The following CDT1 variants were observed in gnomAD, a reference collection of about 807,000 sequenced individuals.
The protein encoded by CDT1 is chromatin licensing and DNA replication factor 1.
A neutral mutation model predicts 49.3 loss-of-function variants in CDT1; 66 were observed. That is an observed-to-expected ratio of 1.34 (90% CI 1.10 to 1.64). The LOEUF (loss-of-function observed/expected upper bound fraction) is 1.64. CDT1 is among the 40% of genes most tolerant of loss of function. The pLI is 0.00. For missense variants in CDT1, 958 were observed against 807.7 expected (o/e 1.19, Z -2.26); for synonymous variants, 424 against 347.4 (o/e 1.22, Z -2.45).
rs3218725 is a variant in CDT1 at position 88,804,814 on chromosome 16, C to T, written c.404C>T (p.Ala135Val). 1,417 of 1,612,612 alleles carry T rather than the reference C, an allele frequency of 8.8e-4. 10 individuals carry two copies. The African/African-American group carries it at 0.013, about 15-fold the overall frequency. The change falls in exon 3 of 10, where the codon GCA becomes GTA. Residue 135 changes from alanine (A) to valine (V), a missense_variant. Transcript: ENST00000301019. Reference sequence around the variant, plus strand: ...CTGCAACGGGCCCGGGAGCTGGGGGCAAGAGTCCGGGCGCTGAAGGCCAGT... The same window carrying T: ...CTGCAACGGGCCCGGGAGCTGGGGGTAAGAGTCCGGGCGCTGAAGGCCAGT... ...SCLQRARELG[A>V]RVRALKASAQ... is the part of the protein sequence containing the mutation.
chr16:88,806,008 A>C lies in CDT1; in HGVS notation c.833-13A>C. The C allele has an allele frequency of 6.3e-7, 1 of 1,584,710 alleles. No homozygotes were observed. Among genetic ancestry groups the C allele is most frequent in the Non-Finnish European group, 8.6e-7 (1 of 1,169,100 alleles). Reference sequence around the variant, plus strand: ...TGGCCTGGTGGGGACTTAGGCCTGGACTCGTCCCACAGAGGCTGACGGAGC... The same window carrying C: ...TGGCCTGGTGGGGACTTAGGCCTGGCCTCGTCCCACAGAGGCTGACGGAGC... On this transcript the variant is annotated splice_polypyrimidine_tract_variant and intron_variant, in intron 5 of 9. Transcript: ENST00000301019.
Position 88,805,748 on chromosome 16 carries a change from C to G in CDT1, c.711C>G (p.Gly237=). Residue 237 remains glycine (G), a synonymous_variant, in exon 5 of 10, where the codon GGC becomes GGG. Transcript: ENST00000301019. ...MRRRFEECNV[G]QIKTVYPASY... ...GGCGTTTTGAGGAGTGCAATGTTGG[C>G]CAGATCAAAACCGTGTACCCGGCCT... 1 of 1,613,042 alleles carries G rather than the reference C, an allele frequency of 6.2e-7. No individual in the cohort carries two copies. The highest frequency in any genetic ancestry group is 8.5e-7 in the Non-Finnish European group (1 of 1,179,970).
Position 88,809,050 on chromosome 16 carries a change from G to A in CDT1, c.*772G>A, listed in dbSNP as rs959443584. On this transcript the variant is annotated 3_prime_UTR_variant, in exon 10 of 10. Transcript: ENST00000301019. The stretch of plus-strand genomic sequence containing the variant: ...AGGTGATCCTGAATTGTCCAGCTAC[G>A]CCCCATGTCATCACAGGGCCTTCAT... 4.9e-5 allele frequency: 10 copies of A among 205,444 alleles called. No individual in the cohort carries two copies. The highest frequency in any genetic ancestry group is 2.5e-4 in the East Asian group (2 of 7,990). The allele number at this position is 205,444 out of a possible 1,614,324, so 12.7% of individuals were successfully genotyped here.
At position 88,808,189 on chromosome 16, in the gene CDT1, G is replaced by A. The variant is rs751315293; in HGVS notation, c.1552G>A (p.Asp518Asn). The change falls in exon 10 of 10, where the codon GAC (aspartate) becomes AAC (asparagine). Residue 518 changes from aspartate to asparagine, a missense_variant. Coordinates refer to ENST00000301019, the MANE Select transcript of CDT1 (RefSeq NM_030928.4). ...GCTCAGCCTCCACCGCATCCGCACC[G>A]ACACCTACGTCAAGCTGGACAAGGC... ...DWLSLHRIRT[D>N]TYVKLDKAAD... is the part of the protein sequence containing the mutation. 5.0e-5 allele frequency: 81 copies of A among 1,612,680 alleles called. No homozygotes were observed. Among genetic ancestry groups the A allele is most frequent in the Middle Eastern group, 3.3e-4 (2 of 6,082 alleles).
At chr16:88,805,303 G>T in intron 3 of CDT1, 137 bp from the exon 4 acceptor site, 1 of 988,686 alleles carries the variant, frequency 1.0e-6, no homozygotes, top group Non-Finnish European at 1.6e-6. Flanking sequence ...AGTGCTGGTG[G>T]GTGTGCAAGG....
chr16:88,805,681 T>TGG (rs1567501430), intron 4 of CDT1, 43 bp from the exon 5 acceptor site: 2 of 1,611,872 alleles, frequency 1.2e-6, no homozygotes, highest in South Asian at 2.2e-5. Context: ...GAGTTGGGGG[T>TGG]GGGCCCGGGC....
chr16:88,807,214 C>T lies in CDT1; in HGVS notation c.1275+11C>T. The T allele has an allele frequency of 1.2e-5, 20 of 1,612,222 alleles. No individual in the cohort carries two copies. The highest frequency in any genetic ancestry group is 1.6e-5 in the Non-Finnish European group (19 of 1,179,760). ...GATCTGCTGGAGCGGGTGAGTCGTC[C>T]CCAGTGATGGCGGGTGGGCGCCTGG... On this transcript the variant is annotated intron_variant, in intron 8 of 9. Coordinates refer to ENST00000301019, the MANE Select transcript of CDT1 (RefSeq NM_030928.4).
Position 88,805,779 on chromosome 16 carries a change from C to A in CDT1, c.742C>A (p.Arg248Ser), listed in dbSNP as rs149192605. ...QIKTVYPASY[R>S]FRQERSVPTF... Reference sequence around the variant, plus strand: ...CAAAACCGTGTACCCGGCCTCCTACCGCTTCCGCCAGGAGCGCAGTGTCCC... The same window carrying A: ...CAAAACCGTGTACCCGGCCTCCTACAGCTTCCGCCAGGAGCGCAGTGTCCC... Residue 248 changes from arginine to serine, a missense_variant, in exon 5 of 10, where the codon CGC becomes AGC. Transcript: ENST00000301019. 3 of 1,613,144 alleles carry A rather than the reference C, an allele frequency of 1.9e-6. No individual in the cohort carries two copies. The South Asian group carries it at 3.3e-5, about 18-fold the overall frequency.
chr16:88,807,495 C>T lies in CDT1; in HGVS notation c.1477+13C>T, dbSNP rs760255561. The T allele has an allele frequency of 4.3e-5, 69 of 1,611,024 alleles. No homozygotes were observed. The highest frequency in any genetic ancestry group is 1.5e-4 in the Admixed American group (9 of 59,944). ...ATCATGAGCCCTGGTACGTGCAGGG[C>T]GGGGTGAAGGGGCGTGCAGGGTGGA... is the stretch of plus-strand genomic sequence containing the variant. On this transcript the variant is annotated intron_variant, in intron 9 of 9. Transcript: ENST00000301019.
rs772110916 is a variant in CDT1 at position 88,805,789 on chromosome 16, A to G, written c.752A>G (p.Gln251Arg). 1.2e-6 allele frequency: 2 copies of G among 1,613,194 alleles called. No individual in the cohort carries two copies. The highest frequency in any genetic ancestry group is 1.7e-6 in the Non-Finnish European group (2 of 1,179,980). The stretch of plus-strand genomic sequence containing the variant: ...TACCCGGCCTCCTACCGCTTCCGCC[A>G]GGAGCGCAGTGTCCCCACCTTCAAG... ...TVYPASYRFR[Q>R]ERSVPTFKDG... Residue 251 changes from glutamine (Q) to arginine (R), a missense_variant, in exon 5 of 10, where the codon CAG becomes CGG. Coordinates refer to ENST00000301019, the MANE Select transcript of CDT1 (RefSeq NM_030928.4).
chr16:88,806,405 C>T (rs957339131), intron 6 of CDT1, 81 bp from the exon 7 acceptor site: 40 of 1,506,652 alleles, frequency 2.7e-5, no homozygotes, highest in Non-Finnish European at 3.1e-5. Flanking sequence ...CCGGCTGGGA[C>T]GTAAGCACAG....
chr16:88,806,226 A>T (rs531298214), intron 6 of CDT1, 105 bp downstream of exon 6: 1 of 1,180,928 alleles, frequency 8.5e-7, no homozygotes. Flanking sequence ...TTCTCCCGGG[A>T]TGGAACTGGG....
In CDT1 at chr16:88,804,793, A is replaced by T; in HGVS notation, c.383A>T (p.Gln128Leu). 2 of 1,612,780 alleles carry T rather than the reference A, an allele frequency of 1.2e-6. No homozygotes were observed. The highest frequency in any genetic ancestry group is 1.7e-6 in the Non-Finnish European group (2 of 1,179,862). ...DTISELASCLQRARELGARVR... is the reference protein window; with the variant it reads ...DTISELASCLLRARELGARVR... ...ATCTCTGAGCTTGCGTCATGCCTGC[A>T]ACGGGCCCGGGAGCTGGGGGCAAGA... Residue 128 changes from glutamine (Q) to leucine (L), a missense_variant, in exon 3 of 10, where the codon CAA becomes CTA. Physicochemically the swap from Gln to Leu is moderately radical, Grantham distance 113. Coordinates refer to ENST00000301019, the MANE Select transcript of CDT1 (RefSeq NM_030928.4).
chr16:88,808,541 A>G lies in CDT1; in HGVS notation c.*263A>G, dbSNP rs1908961162. The G allele has an allele frequency of 1.9e-6, 1 of 534,336 alleles. No individual in the cohort carries two copies. Among genetic ancestry groups the G allele is most frequent in the Admixed American group, 3.3e-5 (1 of 30,182 alleles). 33.1% of individuals were successfully genotyped at this position (534,336 alleles called of 1,614,324 possible). On this transcript the variant is annotated 3_prime_UTR_variant, in exon 10 of 10. Transcript: ENST00000301019. ...GTCCTTGCTGCTGGTGGGGAAGGGA[A>G]GCCAGATCCAGCACCCCCTGGGGGG... is the stretch of plus-strand genomic sequence containing the variant.
chr16:88,808,034 G>A (rs1908933603), intron 9 of CDT1, 81 bp from the exon 10 acceptor site: 10 of 1,491,692 alleles, frequency 6.7e-6, no homozygotes, highest in Non-Finnish European at 9.2e-6. Flanking sequence ...ACAGAGGTTG[G>A]GTGGTCAGGC....
chr16:88,807,480 C>G lies in CDT1; in HGVS notation c.1475C>G (p.Pro492Arg), dbSNP rs1278893342. Residue 492 changes from proline (P) to arginine (R), a missense_variant and splice_region_variant, in exon 9 of 10, where the codon CCT becomes CGT. Pro to Arg is a moderately radical substitution (Grantham distance 103). Transcript: ENST00000301019. Reference protein sequence around the residue: ...MVGSCCTIMSPGEMEKHLLLL... With the variant: ...MVGSCCTIMSRGEMEKHLLLL... ...GGCAGCTGTTGTACTATCATGAGCC[C>G]TGGTACGTGCAGGGCGGGGTGAAGG... is the stretch of plus-strand genomic sequence containing the variant. 2.5e-6 allele frequency: 4 copies of G among 1,612,742 alleles called. No individual in the cohort carries two copies. The highest frequency in any genetic ancestry group is 1.3e-5 in the African/African-American group (1 of 74,924).
At chr16:88,806,809 A>T in intron 7 of CDT1, 135 bp downstream of exon 7, 3 of 1,273,228 alleles carry the variant, frequency 2.4e-6, no homozygotes, top group Non-Finnish European at 3.3e-6. Context: ...GGATCCAGAG[A>T]GTTGGTGGCA....
In CDT1 at chr16:88,808,282, TG is replaced by T; in HGVS notation, c.*9del. The T allele has an allele frequency of 1.9e-6, 3 of 1,579,408 alleles. No individual in the cohort carries two copies. The highest frequency in any genetic ancestry group is 2.6e-6 in the Non-Finnish European group (3 of 1,162,966). On this transcript the variant is annotated 3_prime_UTR_variant, in exon 10 of 10. Transcript: ENST00000301019. ...ACGTGCTGAGGAGGGGCTGTGAGCC[TG>T]GGGGCCACTGTGGACAGACGTGGGC...
chr16:88,805,976 G>T (rs2142944019), intron 5 of CDT1, 45 bp from the exon 6 acceptor site: 1 of 1,576,624 alleles, frequency 6.3e-7, no homozygotes, highest in Non-Finnish European at 8.6e-7. Context: ...ACGGGTGGGT[G>T]GCTGGGTGGC....
Sources: allele counts gnomAD v4.1 joint callset, GRCh38; gene constraint gnomAD v4.1.1; transcripts MANE v1.5; gene names NCBI Gene and HGNC (gene_info 2026-07-23, HGNC 2026-07-21).